Variants in GLIS3 observed in about 807,000 individuals in gnomAD.
GLIS3 encodes GLIS family zinc finger 3, also known as zinc finger protein GLIS3.
A neutral mutation model predicts 78.6 loss-of-function variants in GLIS3; 53 were observed. That is an observed-to-expected ratio of 0.67 (90% CI 0.54 to 0.85). GLIS3 has a LOEUF of 0.85. Among genes scored for constraint, GLIS3 ranks in the 40% least tolerant of loss-of-function variants. GLIS3 has a pLI of 0.00. For missense variants in GLIS3, 1,703 were observed against 1,231.1 expected, an observed-to-expected ratio of 1.38 and a Z score of -5.74; for synonymous variants, 684 against 509.9, an observed-to-expected ratio of 1.34 and a Z score of -4.60.
intron 7 of GLIS3, among the ~76,000 whole-genome samples, chr9:3,896,278 T>C (rs1383216361): frequency 6.6e-6 from 1 of 152,198 alleles, no homozygotes; most frequent in Non-Finnish European, 1.5e-5. Flanking sequence ...GCCTCTTGGT[T>C]TGTTGCCTAC....
chr9:4,027,253 G>A (rs138566412), intron 4 of GLIS3, among the ~76,000 whole-genome samples: 3 of 152,198 alleles, frequency 2.0e-5, no homozygotes, highest in African/African-American at 4.8e-5. Flanking sequence ...TACAATGACT[G>A]CAGAAGATTC....
intron 2 of GLIS3, among the ~76,000 whole-genome samples, chr9:4,313,364 C>T (rs769973746): frequency 2.6e-5 from 4 of 152,204 alleles, no homozygotes; most frequent in African/African-American, 9.6e-5. Flanking sequence ...ACTGTGCCAC[C>T]TCCCCCTCTC....
the GLIS3 span, among the ~76,000 whole-genome samples, chr9:4,466,131 T>A: frequency 1.1e-4 from 17 of 152,258 alleles, no homozygotes; most frequent in Non-Finnish European, 2.2e-4. Context: ...AAGGCATCAG[T>A]GCAGATCTAA....
chr9:4,285,981 G>T, intron 2 of GLIS3, 57 bp downstream of exon 2: 1 of 1,599,252 alleles, frequency 6.3e-7, no homozygotes, highest in Non-Finnish European at 8.6e-7. Context: ...CAGAAAATGG[G>T]ATGGGGGAGA....
At chr9:4,001,613 C>A (rs1195461955) in intron 4 of GLIS3, among the ~76,000 whole-genome samples, 2 of 152,140 alleles carry the variant, frequency 1.3e-5, no homozygotes, top group Admixed American at 6.6e-5. Flanking sequence ...AAAAAATTCC[C>A]AAGGAAGATT....
At chr9:4,233,947 T>A (rs1822493101) in intron 2 of GLIS3, among the ~76,000 whole-genome samples, 1 of 152,236 alleles carries the variant, frequency 6.6e-6, no homozygotes, top group Non-Finnish European at 1.5e-5. Flanking sequence ...CTTTTTTTCC[T>A]TAAACTTCAT....
chr9:4,275,058 G>C (rs1043294144), intron 2 of GLIS3, among the ~76,000 whole-genome samples: 1 of 152,168 alleles, frequency 6.6e-6, no homozygotes, highest in Non-Finnish European at 1.5e-5. Flanking sequence ...AATGTGACAA[G>C]TCAGAAGTAG....
At position 4,236,862 on chromosome 9, in the gene GLIS3, C is replaced by T. The variant is rs188053678; in HGVS notation, c.388+49176G>A. ...CCTTCCAACTGAGACTAAAACTTCC[C>T]TTCTGATTGGCAGATGCCTTTCTTA... On this transcript the variant is annotated intron_variant, in intron 2 of 10. Coordinates refer to ENST00000381971, the MANE Select transcript of GLIS3 (RefSeq NM_001042413.2). 6.6e-5 allele frequency among the ~76,000 whole-genome samples: 10 copies of T among 152,276 alleles called. No homozygotes were observed. In the East Asian group the frequency reaches 1.9e-3, roughly 29 times the overall value.
intron 4 of GLIS3, among the ~76,000 whole-genome samples, chr9:4,053,836 T>C (rs1271754270): frequency 6.6e-6 from 1 of 152,176 alleles, no homozygotes; most frequent in African/African-American, 2.4e-5. Context: ...TTTCCAATGT[T>C]CTTCTAAAGC....
At chr9:4,336,781 A>C (rs1432157515) in intron 2 of GLIS3, among the ~76,000 whole-genome samples, 2 of 152,176 alleles carry the variant, frequency 1.3e-5, no homozygotes, top group East Asian at 1.9e-4. Flanking sequence ...TTAGTTGGCA[A>C]GTTTTTATGA....
intron 2 of GLIS3, among the ~76,000 whole-genome samples, chr9:4,220,508 A>G (rs1821234721): frequency 1.3e-5 from 2 of 152,186 alleles, no homozygotes; most frequent in Non-Finnish European, 2.9e-5. Context: ...CACTGAGAAC[A>G]TACATCATGT....
At chr9:4,101,087 G>C (rs1355345681) in intron 4 of GLIS3, among the ~76,000 whole-genome samples, 4 of 152,128 alleles carry the variant, frequency 2.6e-5, no homozygotes, top group Non-Finnish European at 4.4e-5. Flanking sequence ...AAAAGTACTG[G>C]CCAAGGAAAC....
the GLIS3 span, among the ~76,000 whole-genome samples, chr9:4,394,907 C>T: frequency 6.6e-6 from 1 of 152,184 alleles, no homozygotes; most frequent in African/African-American, 2.4e-5. Context: ...CAATAGCTAG[C>T]ACTATAATTA....
intron 7 of GLIS3, among the ~76,000 whole-genome samples, chr9:3,896,593 G>A (rs1277547602): frequency 6.8e-6 from 1 of 147,612 alleles, no homozygotes; most frequent in African/African-American, 2.5e-5. Flanking sequence ...TTGAACCTGG[G>A]AGGTAGAGGT....
In GLIS3 at chr9:4,032,025, A is replaced by C. The variant is rs1345160325; in HGVS notation, c.1710+85743T>G. Among the ~76,000 whole-genome samples the C allele has an allele frequency of 5.3e-5, 8 of 152,284 alleles. No homozygotes were observed. The East Asian group carries it at 1.4e-3, about 26-fold the overall frequency. ...TCAAAGGAGCCCAGGAGGTCCTTTT[A>C]GCCTAGGCAGGTAGGGTACAGGGAT... is the stretch of plus-strand genomic sequence containing the variant. On this transcript the variant is annotated intron_variant, in intron 4 of 10. Coordinates refer to ENST00000381971, the MANE Select transcript of GLIS3 (RefSeq NM_001042413.2).
At chr9:4,490,352 C>T in the GLIS3 span, 1 of 184,970 alleles carries the variant, frequency 5.4e-6, no homozygotes, top group Admixed American at 6.3e-5. Flanking sequence ...CCCCGGGCGT[C>T]CCACGCACGC....
chr9:3,828,091 G>T lies in GLIS3; in HGVS notation c.*181C>A. On this transcript the variant is annotated 3_prime_UTR_variant, in exon 11 of 11. Coordinates refer to ENST00000381971, the MANE Select transcript of GLIS3 (RefSeq NM_001042413.2). The stretch of plus-strand genomic sequence containing the variant: ...AAACCAGAGAGAAAAAGGAGCAACT[G>T]TAATGATTCCTGCAAAGCTAGCTCT... 1 of 680,850 alleles carries T rather than the reference G, an allele frequency of 1.5e-6. No individual in the cohort carries two copies. Among genetic ancestry groups the T allele is most frequent in the Non-Finnish European group, 2.5e-6 (1 of 393,174 alleles). The allele number at this position is 680,850 out of a possible 1,614,324, so 42.2% of individuals were successfully genotyped here.
At chr9:4,088,951 C>T (rs1285856524) in intron 4 of GLIS3, among the ~76,000 whole-genome samples, 1 of 152,246 alleles carries the variant, frequency 6.6e-6, no homozygotes, top group Non-Finnish European at 1.5e-5. Flanking sequence ...GAATAGACAG[C>T]TCCTCAGATG....
the GLIS3 span, among the ~76,000 whole-genome samples, chr9:4,364,244 C>G: frequency 1.4e-3 from 220 of 152,286 alleles, 1 homozygote; most frequent in African/African-American, 4.9e-3. Flanking sequence ...AATCCCTCCC[C>G]AAATCTCTGT....
Sources: gnomAD v4.1 joint callset for allele counts (sites outside exome capture counted in the v4.1 genomes callset) on GRCh38, gnomAD v4.1.1 for gene constraint, MANE v1.5 for transcripts, NCBI Gene and HGNC (gene_info 2026-07-23, HGNC 2026-07-21) for gene names.